The following MCUB variants were observed in gnomAD, a reference collection of about 807,000 sequenced individuals.
MCUB encodes the protein calcium uniporter regulatory subunit MCUb, mitochondrial.
MCUB carries 46 observed loss-of-function variants against 41.4 expected under a neutral mutation model. The observed-to-expected ratio is 1.11, with a 90% CI of 0.88 to 1.42. The LOEUF is 1.42. MCUB is among the 40% of genes most tolerant of loss of function. The pLI is 0.00. For missense variants in MCUB, 403 were observed against 404.9 expected, an observed-to-expected ratio of 1.00 and a Z score of 0.04; for synonymous variants, 148 against 148.2, an observed-to-expected ratio of 1.00 and a Z score of 0.01.
chr4:109,640,315 T>G (rs1202300675), intron 1 of MCUB, among the ~76,000 whole-genome samples: 1 of 152,228 alleles, frequency 6.6e-6, no homozygotes, highest in Non-Finnish European at 1.5e-5. Flanking sequence ...GCCATCTGGA[T>G]GTATATGTGC....
At chr4:109,560,466 C>A in intron 1 of MCUB, 30 bp downstream of exon 1, 1 of 1,086,982 alleles carries the variant, frequency 9.2e-7, no homozygotes, top group Non-Finnish European at 1.2e-6. Flanking sequence ...TGTGGGGGTT[C>A]GGGGTAGGCT....
At chr4:109,637,762 G>A (rs1022678939) in intron 1 of MCUB, among the ~76,000 whole-genome samples, 11 of 152,110 alleles carry the variant, frequency 7.2e-5, no homozygotes, top group African/African-American at 2.4e-4. Flanking sequence ...ATGGTGGGAG[G>A]GGGGTGAGGG....
At chr4:109,628,894 G>T (rs1053368113) in intron 1 of MCUB, among the ~76,000 whole-genome samples, 2 of 152,174 alleles carry the variant, frequency 1.3e-5, no homozygotes, top group African/African-American at 4.8e-5. Context: ...TGTCTTTATG[G>T]TTAGAATTAT....
chr4:109,656,164 T>C (rs1729093062), intron 1 of MCUB, among the ~76,000 whole-genome samples: 1 of 152,068 alleles, frequency 6.6e-6, no homozygotes, highest in South Asian at 2.1e-4. Context: ...ACAGGCATTA[T>C]CACCAATGGC....
At position 109,687,662 on chromosome 4, in the gene MCUB, C is replaced by G. The variant is rs752332370; in HGVS notation, c.*70C>G. ...TTTGCAACTTAGGATGTTTTTGAGTCCCATGGTTCATTTTGATTGTTTAAT... is the reference window on the plus strand; with the variant it reads ...TTTGCAACTTAGGATGTTTTTGAGTGCCATGGTTCATTTTGATTGTTTAAT... On this transcript the variant is annotated 3_prime_UTR_variant, in exon 8 of 8. Transcript: ENST00000394650. 2 of 891,488 alleles carry G rather than the reference C, an allele frequency of 2.2e-6. No individual in the cohort carries two copies. The highest frequency in any genetic ancestry group is 3.7e-6 in the Non-Finnish European group (2 of 543,004). 55.2% of individuals were successfully genotyped at this position (891,488 alleles called of 1,614,324 possible). A position where few individuals can be genotyped will look rare whatever the true frequency, so the allele number is the denominator to read the frequency against.
At chr4:109,671,706 T>C (rs1729463001) in intron 4 of MCUB, among the ~76,000 whole-genome samples, 1 of 152,248 alleles carries the variant, frequency 6.6e-6, no homozygotes, top group Admixed American at 6.5e-5. Context: ...ATCTCTGCCA[T>C]ATCAGAGCCT....
At chr4:109,576,518 CTTT>C (rs34834019) in intron 1 of MCUB, among the ~76,000 whole-genome samples, 16 of 131,736 alleles carry the variant, frequency 1.2e-4, no homozygotes, top group South Asian at 2.4e-4. Context: ...TAACATTTGC[CTTT>C]TTTTTTTTTT....
rs372969079 is a variant in MCUB at position 109,678,705 on chromosome 4, G to A, written c.452-3877G>A. On this transcript the variant is annotated intron_variant, in intron 4 of 7. Transcript: ENST00000394650. Reference sequence around the variant, plus strand: ...CAGAGGCACTCCCCACTTCCCAGACGGGGTGGTGGCCAAGCAGAGGCGCTC... The same window carrying A: ...CAGAGGCACTCCCCACTTCCCAGACAGGGTGGTGGCCAAGCAGAGGCGCTC... Among the ~76,000 whole-genome samples the A allele has an allele frequency of 4.9e-4, 67 of 137,472 alleles. No individual in the cohort carries two copies. The East Asian group carries it at 8.2e-3, about 17-fold the overall frequency. The allele number at this position is 137,472 out of a possible 152,430, so 90.2% of individuals were successfully genotyped here.
chr4:109,646,014 A>T (rs569340531), intron 1 of MCUB, among the ~76,000 whole-genome samples: 1 of 152,234 alleles, frequency 6.6e-6, no homozygotes, highest in African/African-American at 2.4e-5. Flanking sequence ...ACCCTCCAGT[A>T]ACCACATAGC....
intron 1 of MCUB, among the ~76,000 whole-genome samples, chr4:109,629,526 C>T (rs1398521435): frequency 6.6e-6 from 1 of 152,068 alleles, no homozygotes; most frequent in Admixed American, 6.6e-5. Context: ...AGATAGCTTC[C>T]CATGATAATC....
chr4:109,658,894 G>A (rs1729164038), intron 1 of MCUB, 117 bp from the exon 2 acceptor site: 1 of 709,762 alleles, frequency 1.4e-6, no homozygotes, highest in African/African-American at 1.8e-5. Context: ...GACAAGTTGA[G>A]TTTTTCATTA....
intron 1 of MCUB, among the ~76,000 whole-genome samples, chr4:109,642,902 T>C (rs1728751109): frequency 6.6e-6 from 1 of 150,614 alleles, no homozygotes; most frequent in Non-Finnish European, 1.5e-5. Flanking sequence ...GATTTTTTTT[T>C]TTTTTTTTTT....
rs147903536 is a variant in MCUB at position 109,681,083 on chromosome 4, G to C, written c.452-1499G>C. On this transcript the variant is annotated intron_variant, in intron 4 of 7. Transcript: ENST00000394650. ...TTACTCTTAGTTCTTAGCTGGGATG[G>C]ACCCCTGTGATAAGAGAGATTACTA... Among the ~76,000 whole-genome samples the C allele has an allele frequency of 9.2e-5, 14 of 152,214 alleles. No individual in the cohort carries two copies. The East Asian group carries it at 2.7e-3, about 29-fold the overall frequency.
At chr4:109,646,622 C>T (rs1728843514) in intron 1 of MCUB, among the ~76,000 whole-genome samples, 1 of 152,168 alleles carries the variant, frequency 6.6e-6, no homozygotes, top group South Asian at 2.1e-4. Flanking sequence ...AAAATAAAAG[C>T]TTGTGGACAA....
chr4:109,623,925 C>T (rs930166404), intron 1 of MCUB, among the ~76,000 whole-genome samples: 4 of 152,204 alleles, frequency 2.6e-5, no homozygotes, highest in South Asian at 4.1e-4. Flanking sequence ...TCATAGCTCA[C>T]TGTAACCTTG....
intron 1 of MCUB, among the ~76,000 whole-genome samples, chr4:109,578,811 C>G (rs1727097064): frequency 6.6e-6 from 1 of 152,078 alleles, no homozygotes; most frequent in Admixed American, 6.6e-5. Flanking sequence ...TATTTTTCTC[C>G]TCTCTCTTTT....
chr4:109,679,188 C>T (rs1729657839), intron 4 of MCUB, among the ~76,000 whole-genome samples: 2 of 151,824 alleles, frequency 1.3e-5, no homozygotes, highest in South Asian at 4.2e-4. Flanking sequence ...AGAGGCACTC[C>T]TCACATCCCA....
At chr4:109,572,011 G>A (rs999491020) in intron 1 of MCUB, among the ~76,000 whole-genome samples, 3 of 152,196 alleles carry the variant, frequency 2.0e-5, no homozygotes, top group Admixed American at 1.3e-4. Flanking sequence ...TCCAGAAACG[G>A]GGTAGTTTTG....
chr4:109,631,141 T>C (rs555959569), intron 1 of MCUB, among the ~76,000 whole-genome samples: 4 of 152,364 alleles, frequency 2.6e-5, no homozygotes, highest in Non-Finnish European at 4.4e-5. Context: ...GGATAATCTT[T>C]CAGAGGAAGC....
Sources: allele counts gnomAD v4.1 joint callset (sites outside exome capture counted in the v4.1 genomes callset), GRCh38; gene constraint gnomAD v4.1.1; transcripts MANE v1.5; gene names NCBI Gene and HGNC (gene_info 2026-07-23, HGNC 2026-07-21).